PDCL3: variants seen among roughly 807,000 people sequenced by gnomAD.
PDCL3 encodes the protein phosducin-like protein 3.
Under a neutral mutation model 26.5 loss-of-function variants are expected in PDCL3, and 22 were observed. The ratio of observed to expected loss-of-function variants is 0.83; its 90% confidence interval spans 0.59 to 1.19. The LOEUF (loss-of-function observed/expected upper bound fraction) is 1.19, where lower values mean the gene tolerates loss of function less well. Among genes scored for constraint, PDCL3 ranks in the 50% most tolerant of loss-of-function variants. The probability of loss-of-function intolerance (pLI) is 0.00; values close to 1 mark genes in which losing one functional copy is unlikely to be tolerated. For missense variants in PDCL3, 246 were observed against 294.1 expected, an observed-to-expected ratio of 0.84 and a Z score of 1.20; for synonymous variants, 81 against 104.9, an observed-to-expected ratio of 0.77 and a Z score of 1.39.
In PDCL3 at chr2:100,571,886, C is replaced by A. The variant is rs941951090; in HGVS notation, c.577+88C>A. ...GTGTCTATTTCCTGGACTCCTGTTA[C>A]GATGGTGGGTCAAGTTCACTTCTGC... On this transcript the variant is annotated intron_variant, in intron 5 of 5. Transcript: ENST00000264254. The A allele has an allele frequency of 5.5e-6, 7 of 1,283,906 alleles. No individual in the cohort carries two copies. The East Asian group carries it at 1.2e-4, about 23-fold the overall frequency. The allele number at this position is 1,283,906 out of a possible 1,614,324, so 79.5% of individuals were successfully genotyped here. A position where few individuals can be genotyped will look rare whatever the true frequency, so the allele number is the denominator to read the frequency against.
chr2:100,563,200 C>A, intron 1 of PDCL3, 127 bp downstream of exon 1: 1 of 1,215,942 alleles, frequency 8.2e-7, no homozygotes, highest in Non-Finnish European at 1.1e-6. Context: ...AGGCCCGGCG[C>A]GTCCAGGCCC....
intron 4 of PDCL3, 21 bp downstream of exon 4, chr2:100,569,742 A>G (rs1267529381): frequency 1.3e-6 from 2 of 1,598,030 alleles, no homozygotes; most frequent in Non-Finnish European, 1.7e-6. Context: ...CTTCCACTCC[A>G]TCTATCAAAT....
intron 1 of PDCL3, among the ~76,000 whole-genome samples, chr2:100,564,535 A>C (rs954716758): frequency 1.3e-5 from 2 of 151,956 alleles, no homozygotes; most frequent in Non-Finnish European, 1.5e-5. Flanking sequence ...TGACCTGGTG[A>C]TCTGCCCGCC....
chr2:100,573,175 G>T (rs557488780), intron 5 of PDCL3, among the ~76,000 whole-genome samples: 1 of 151,946 alleles, frequency 6.6e-6, no homozygotes, highest in Non-Finnish European at 1.5e-5. Flanking sequence ...GAGCCACCGC[G>T]CCCGGCTGTG....
At chr2:100,571,919 T>G (rs1305490214) in intron 5 of PDCL3, 121 bp downstream of exon 5, 2 of 914,604 alleles carry the variant, frequency 2.2e-6, no homozygotes, top group African/African-American at 3.3e-5. Flanking sequence ...TGCCTGTGTA[T>G]GAGGACGGAA....
At chr2:100,573,961 G>T (rs769900380) in intron 5 of PDCL3, among the ~76,000 whole-genome samples, 4 of 151,952 alleles carry the variant, frequency 2.6e-5, no homozygotes, top group Non-Finnish European at 5.9e-5. Flanking sequence ...ACTTATGTAC[G>T]TATGTGTGGA....
At chr2:100,569,758 T>G in intron 4 of PDCL3, 37 bp downstream of exon 4, 1 of 1,589,886 alleles carries the variant, frequency 6.3e-7, no homozygotes, top group Non-Finnish European at 8.6e-7. Context: ...CAAATGTTAA[T>G]TTGAATTTAT....
chr2:100,572,866 G>A (rs1413028301), intron 5 of PDCL3, among the ~76,000 whole-genome samples: 2 of 151,530 alleles, frequency 1.3e-5, no homozygotes, highest in Non-Finnish European at 2.9e-5. Flanking sequence ...CTGTTAGCTC[G>A]GAAGGATGTG....
intron 1 of PDCL3, among the ~76,000 whole-genome samples, chr2:100,564,591 C>T (rs1675023600): frequency 6.6e-6 from 1 of 152,198 alleles, no homozygotes; most frequent in Non-Finnish European, 1.5e-5. Flanking sequence ...CCACCGCGCC[C>T]GGCCTCATTT....
chr2:100,576,701 T>TA lies in PDCL3; in HGVS notation c.*213dup, dbSNP rs976674238. On this transcript the variant is annotated 3_prime_UTR_variant, in exon 6 of 6. Transcript: ENST00000264254. The stretch of plus-strand genomic sequence containing the variant: ...TTTTTTTAAATTATAGTATTTCCTC[T>TA]AAAAAAAATTAAAACCAGCCATTTG... 1.5e-4 allele frequency: 71 copies of TA among 479,410 alleles called. 1 individual carries two copies. The highest frequency in any genetic ancestry group is 6.2e-4 in the Middle Eastern group (1 of 1,620). The allele number at this position is 479,410 out of a possible 1,614,324, so 29.7% of individuals were successfully genotyped here. A position where few individuals can be genotyped will look rare whatever the true frequency, so the allele number is the denominator to read the frequency against.
intron 4 of PDCL3, 94 bp downstream of exon 4, chr2:100,569,815 T>A: frequency 6.8e-7 from 1 of 1,470,592 alleles, no homozygotes; most frequent in Non-Finnish European, 9.1e-7. Flanking sequence ...TTAAGAAATT[T>A]TTTTTTCTGG....
At position 100,572,030 on chromosome 2, in the gene PDCL3, CA is replaced by C. The variant is rs1036322268; in HGVS notation, c.577+233del. 2.1e-5 allele frequency: 11 copies of C among 513,848 alleles called. No homozygotes were observed. In the South Asian group the frequency reaches 2.5e-4, roughly 12 times the overall value. 31.8% of individuals were successfully genotyped at this position (513,848 alleles called of 1,614,324 possible). A position where few individuals can be genotyped will look rare whatever the true frequency, so the allele number is the denominator to read the frequency against. ...AAGGCGTGATAGACTTAAATATAAA[CA>C]TTTTTTATATTGGTGTGGAATATAT... On this transcript the variant is annotated intron_variant, in intron 5 of 5. Transcript: ENST00000264254.
chr2:100,568,739 A>G (rs898330473), intron 2 of PDCL3, among the ~76,000 whole-genome samples, 192 bp from the exon 3 acceptor site: 1 of 152,142 alleles, frequency 6.6e-6, no homozygotes, highest in Non-Finnish European at 1.5e-5. Context: ...AATTGGGATT[A>G]CAGGTGTGAG....
intron 1 of PDCL3, 32 bp from the exon 2 acceptor site, chr2:100,566,471 C>G (rs368338271): frequency 6.2e-7 from 1 of 1,609,944 alleles, no homozygotes; most frequent in Non-Finnish European, 8.5e-7. Context: ...CTAGACTTAG[C>G]ACTCATGGTA....
intron 5 of PDCL3, among the ~76,000 whole-genome samples, chr2:100,572,983 C>T (rs766882228): frequency 2.0e-5 from 3 of 152,028 alleles, no homozygotes; most frequent in Admixed American, 6.6e-5. Context: ...CTTCTGGTTT[C>T]AAGCAATTCT....
rs749100904 is a variant in PDCL3 at position 100,569,003 on chromosome 2, G to C, written c.206G>C (p.Arg69Pro). Residue 69 changes from arginine (R) to proline (P), a missense_variant, in exon 3 of 6, where the codon CGT (arginine) becomes CCT (proline). Physicochemically the swap from Arg to Pro is moderately radical, Grantham distance 103. Coordinates refer to ENST00000264254, the MANE Select transcript of PDCL3 (RefSeq NM_024065.5). ...HEDEFNEEDE[R>P]AIEMYRRRRL... is the part of the protein sequence containing the mutation. Reference sequence around the variant, plus strand: ...GACGAGTTTAATGAGGAGGATGAACGTGCTATTGAAATGTACAGGTAAGCG... The same window carrying C: ...GACGAGTTTAATGAGGAGGATGAACCTGCTATTGAAATGTACAGGTAAGCG... 3.1e-5 allele frequency: 50 copies of C among 1,613,960 alleles called. No individual in the cohort carries two copies. In the South Asian group the frequency reaches 5.5e-4, roughly 18 times the overall value.
chr2:100,564,598 A>G (rs919810087), intron 1 of PDCL3, among the ~76,000 whole-genome samples: 3 of 152,168 alleles, frequency 2.0e-5, no homozygotes, highest in Admixed American at 2.0e-4. Flanking sequence ...GCCCGGCCTC[A>G]TTTTTCTTTT....
chr2:100,576,011 C>T (rs1269171337), intron 5 of PDCL3, among the ~76,000 whole-genome samples: 1 of 152,090 alleles, frequency 6.6e-6, no homozygotes. Flanking sequence ...CCTGCCACTT[C>T]AGCCTCCCAA....
intron 5 of PDCL3, among the ~76,000 whole-genome samples, chr2:100,575,187 G>C (rs1675255274): frequency 6.6e-6 from 1 of 152,180 alleles, no homozygotes; most frequent in Non-Finnish European, 1.5e-5. Flanking sequence ...CCAGGCTGGA[G>C]TGCAATGGCG....
Sources: allele counts gnomAD v4.1 joint callset (sites outside exome capture counted in the v4.1 genomes callset), GRCh38; gene constraint gnomAD v4.1.1; transcripts MANE v1.5; gene names NCBI Gene and HGNC (gene_info 2026-07-23, HGNC 2026-07-21).